The following FGGY variants were observed in gnomAD, a reference collection of about 807,000 sequenced individuals.
FGGY encodes the protein FGGY carbohydrate kinase domain-containing protein.
FGGY carries 72 observed loss-of-function variants against 71.3 expected under a neutral mutation model. The ratio of observed to expected loss-of-function variants is 1.01; its 90% confidence interval spans 0.84 to 1.23. The LOEUF is 1.23. Ranked by LOEUF, FGGY falls within the 50% of genes most tolerant of loss-of-function variation. FGGY has a pLI of 0.00. For synonymous variants in FGGY, 251 were observed against 250.3 expected (o/e 1.00, Z -0.02); for missense variants, 668 against 682.3 (o/e 0.98, Z 0.23).
chr1:59,384,384 C>T (rs746738737), intron 5 of FGGY, among the ~76,000 whole-genome samples: 3 of 152,222 alleles, frequency 2.0e-5, no homozygotes, highest in Non-Finnish European at 2.9e-5. Flanking sequence ...GTGTTTCTCT[C>T]TCTTATTTAC....
intron 8 of FGGY, among the ~76,000 whole-genome samples, chr1:59,574,106 A>C (rs1458834226): frequency 6.6e-6 from 1 of 152,212 alleles, no homozygotes; most frequent in Non-Finnish European, 1.5e-5. Context: ...TTAAAACAAC[A>C]CACATATATT....
intron 7 of FGGY, among the ~76,000 whole-genome samples, chr1:59,526,789 G>T (rs1029352741): frequency 1.3e-5 from 2 of 152,202 alleles, no homozygotes; most frequent in Admixed American, 1.3e-4. Flanking sequence ...AGCCTGTGTA[G>T]CACACTCTGA....
At chr1:59,339,855 A>G (rs2050307046) in intron 2 of FGGY, 103 bp from the exon 3 acceptor site, 1 of 662,964 alleles carries the variant, frequency 1.5e-6, no homozygotes, top group Non-Finnish European at 2.6e-6. Flanking sequence ...TATGTTGTAA[A>G]GATTTTTTTC....
chr1:59,622,045 A>G (rs2096814455), intron 9 of FGGY, among the ~76,000 whole-genome samples: 1 of 151,618 alleles, frequency 6.6e-6, no homozygotes, highest in Admixed American at 6.6e-5. Flanking sequence ...TAAGTCTCCC[A>G]GTCTAAGTCT....
chr1:59,707,877 C>T (rs1050199063), intron 14 of FGGY, among the ~76,000 whole-genome samples: 4 of 152,160 alleles, frequency 2.6e-5, no homozygotes, highest in Non-Finnish European at 5.9e-5. Context: ...TGAAGGGACC[C>T]AGTCTGTTTG....
At chr1:59,687,689 C>T (rs950620898) in intron 14 of FGGY, among the ~76,000 whole-genome samples, 2 of 151,324 alleles carry the variant, frequency 1.3e-5, no homozygotes, top group African/African-American at 2.4e-5. Context: ...AGGATGACCT[C>T]GATCTCCTGA....
intron 6 of FGGY, among the ~76,000 whole-genome samples, chr1:59,510,607 G>A (rs2094496070): frequency 6.6e-6 from 1 of 152,170 alleles, no homozygotes; most frequent in Non-Finnish European, 1.5e-5. Context: ...AATATAATAT[G>A]AGCCACATAT....
At chr1:59,446,323 T>C (rs144140006) in intron 5 of FGGY, among the ~76,000 whole-genome samples, 91 of 152,304 alleles carry the variant, frequency 6.0e-4, no homozygotes, top group African/African-American at 2.1e-3. Flanking sequence ...AGTTCTTTCA[T>C]GCTCCCCATA....
chr1:59,448,472 GGAACCCAGT>G (rs2071849967), intron 5 of FGGY, among the ~76,000 whole-genome samples: 1 of 152,144 alleles, frequency 6.6e-6, no homozygotes, highest in South Asian at 2.1e-4. Flanking sequence ...GTCTATGCAA[GGAACCCAGT>G]GTTCTGCTTC....
intron 2 of FGGY, among the ~76,000 whole-genome samples, chr1:59,326,445 T>C (rs1056047409): frequency 6.6e-6 from 1 of 152,220 alleles, no homozygotes; most frequent in East Asian, 1.9e-4. Flanking sequence ...TAGTTTACAG[T>C]GCATCTTCAT....
chr1:59,736,782 T>G (rs2098108999), intron 14 of FGGY, among the ~76,000 whole-genome samples: 1 of 152,206 alleles, frequency 6.6e-6, no homozygotes, highest in Admixed American at 6.5e-5. Context: ...AAACCTCGTT[T>G]TCTGAGGAGG....
At chr1:59,555,138 G>T (rs1418837088) in intron 8 of FGGY, among the ~76,000 whole-genome samples, 1 of 152,198 alleles carries the variant, frequency 6.6e-6, no homozygotes, top group African/African-American at 2.4e-5. Context: ...CTGCTCTTGT[G>T]CTAAACTGTG....
chr1:59,505,187 T>C (rs887250551), intron 6 of FGGY, among the ~76,000 whole-genome samples: 6 of 152,192 alleles, frequency 3.9e-5, no homozygotes, highest in Non-Finnish European at 7.3e-5. Context: ...GTCTACAAGA[T>C]GTAATAACTA....
rs565486233 is a variant in FGGY at position 59,751,725 on chromosome 1, G to A, written c.1513-6206G>A. On this transcript the variant is annotated intron_variant, in intron 14 of 15. Coordinates refer to ENST00000303721, the MANE Select transcript of FGGY (RefSeq NM_018291.5). ...TCCCAATCCTTGTCTTATTTGACTA[G>A]GTCTTCATTGTTTTTACCTTACAAT... Among the ~76,000 whole-genome samples, 5 of 152,156 alleles carry A rather than the reference G, an allele frequency of 3.3e-5. No homozygotes were observed. The South Asian group carries it at 8.3e-4, about 25-fold the overall frequency.
chr1:59,492,849 A>T (rs545012622), intron 6 of FGGY, among the ~76,000 whole-genome samples: 1 of 152,112 alleles, frequency 6.6e-6, no homozygotes, highest in East Asian at 1.9e-4. Context: ...CTGCCACCAA[A>T]TTCCTAAGCA....
intron 5 of FGGY, among the ~76,000 whole-genome samples, chr1:59,411,978 G>A (rs2063672955): frequency 6.6e-6 from 1 of 152,152 alleles, no homozygotes; most frequent in Admixed American, 6.5e-5. Flanking sequence ...TCTCCCCAGT[G>A]CACTGACACT....
At chr1:59,564,951 G>C (rs1011679853) in intron 8 of FGGY, among the ~76,000 whole-genome samples, 2 of 152,122 alleles carry the variant, frequency 1.3e-5, no homozygotes, top group Non-Finnish European at 2.9e-5. Flanking sequence ...GAAGAATGGT[G>C]TAAGTTCTTC....
At chr1:59,540,625 C>T (rs2095425546) in intron 7 of FGGY, among the ~76,000 whole-genome samples, 1 of 152,168 alleles carries the variant, frequency 6.6e-6, no homozygotes, top group Non-Finnish European at 1.5e-5. Context: ...TAAGACTCCA[C>T]TAAATTCTAT....
At chr1:59,310,192 C>T (rs1044088641) in intron 1 of FGGY, 2 of 152,126 alleles carry the variant, frequency 1.3e-5, no homozygotes, top group Non-Finnish European at 2.9e-5. Context: ...TGAGTTCTTT[C>T]GTTGTTTTAA....
Sources: allele counts gnomAD v4.1 joint callset (sites outside exome capture counted in the v4.1 genomes callset), GRCh38; gene constraint gnomAD v4.1.1; transcripts MANE v1.5; gene names NCBI Gene and HGNC (gene_info 2026-07-23, HGNC 2026-07-21).